The following GTPBP1 variants were observed in gnomAD, a reference collection of about 807,000 sequenced individuals.
The protein encoded by GTPBP1 is GTP-binding protein 1.
A neutral mutation model predicts 62.0 loss-of-function variants in GTPBP1; 23 were observed. The observed-to-expected ratio is 0.37, with a 90% CI of 0.27 to 0.53. GTPBP1 has a LOEUF of 0.53. GTPBP1 is among the 20% of genes least tolerant of loss of function. The pLI is 0.89. For missense variants in GTPBP1, 640 were observed against 917.3 expected (o/e 0.70, Z 3.90); for synonymous variants, 344 against 364.4 (o/e 0.94, Z 0.64).
downstream of GTPBP1, among the ~76,000 whole-genome samples, chr22:38,737,602 CG>C (rs2092817297): frequency 6.6e-6 from 1 of 152,174 alleles, no homozygotes; most frequent in Non-Finnish European, 1.5e-5. This position sits in a 1 kb window ranked among gnomAD's most constrained non-coding sequence, Gnocchi z 4.1. Context: ...CACTGTCCCT[CG>C]TCCACCTCCC....
At chr22:38,742,958 G>T (rs938232481), downstream of GTPBP1, 3 of 170,312 alleles carry the variant, frequency 1.8e-5, no homozygotes, top group Admixed American at 1.9e-4. Flanking sequence ...AGGGGCAGGG[G>T]AGCCAGGGCT....
intron 2 of GTPBP1, among the ~76,000 whole-genome samples, chr22:38,711,146 C>T (rs572986874): frequency 5.9e-5 from 9 of 152,304 alleles, no homozygotes; most frequent in South Asian, 2.1e-4. Flanking sequence ...TTCCTTGCTG[C>T]TTCACCTCTG....
chr22:38,708,943 T>C lies in GTPBP1; in HGVS notation c.291T>C (p.Ile97=). Residue 97 remains isoleucine, a synonymous_variant, in exon 2 of 12, where the codon ATT becomes ATC. Transcript: ENST00000216044. ...GATGCGGAGAGACCATATATGTCATTGGGCAGGGATCAGGTGAGCATAGTT... is the reference window on the plus strand; with the variant it reads ...GATGCGGAGAGACCATATATGTCATCGGGCAGGGATCAGGTGAGCATAGTT... The part of the protein sequence containing the change: ...DEGCGETIYV[I]GQGSDGTEYG... 6.3e-7 allele frequency: 1 copy of C among 1,576,170 alleles called. No individual in the cohort carries two copies. Among genetic ancestry groups the C allele is most frequent in the Non-Finnish European group, 8.7e-7 (1 of 1,145,234 alleles).
chr22:38,740,266 C>A, downstream of GTPBP1: 2 of 1,572,222 alleles, frequency 1.3e-6, no homozygotes, highest in Admixed American at 1.8e-5. The surrounding 1 kb of genome is among the most constrained non-coding windows in gnomAD (Gnocchi z 4.8). Context: ...TTCCCACTCA[C>A]GTCGTCCCGC....
chr22:38,737,165 G>T (rs2092812968), downstream of GTPBP1, among the ~76,000 whole-genome samples: 1 of 152,126 alleles, frequency 6.6e-6, no homozygotes, highest in African/African-American at 2.4e-5. The surrounding 1 kb of genome is among the most constrained non-coding windows in gnomAD (Gnocchi z 4.1). Flanking sequence ...TTCCTAAAGA[G>T]AAATCCCAAC....
At chr22:38,721,601 C>T (rs557436297) in intron 4 of GTPBP1, 141 bp from the exon 5 acceptor site, 31 of 619,258 alleles carry the variant, frequency 5.0e-5, no homozygotes, top group Middle Eastern at 4.7e-4. Flanking sequence ...CCGATTTTGA[C>T]GCCCCACATC....
downstream of GTPBP1, chr22:38,735,575 G>A (rs540549485): frequency 9.9e-4 from 220 of 222,728 alleles, no homozygotes; most frequent in African/African-American, 4.6e-3. Context: ...CCCAGCAGAG[G>A]GGAAGCCTAC....
intron 2 of GTPBP1, among the ~76,000 whole-genome samples, chr22:38,711,833 T>TA (rs370698760): frequency 1.1e-4 from 16 of 148,104 alleles, no homozygotes; most frequent in South Asian, 4.3e-4. Context: ...GAAAAACAAT[T>TA]AAAAAAAAAA....
downstream of GTPBP1, chr22:38,739,583 C>T: frequency 7.7e-7 from 1 of 1,299,304 alleles, no homozygotes; most frequent in Non-Finnish European, 1.1e-6. The surrounding 1 kb of genome is among the most constrained non-coding windows in gnomAD (Gnocchi z 6.7). Flanking sequence ...CCACCCATGC[C>T]AGCCCCACAG....
Position 38,721,777 on chromosome 22 carries a change from A to G in GTPBP1, c.870A>G (p.Lys290=), listed in dbSNP as rs2092701963. 1 of 1,612,876 alleles carries G rather than the reference A, an allele frequency of 6.2e-7. No homozygotes were observed. The highest frequency in any genetic ancestry group is 1.3e-5 in the African/African-American group (1 of 74,904). ...GSNAGIVGMT[K]EHLGLALALN... ...ATGCTGGCATCGTGGGGATGACCAA[A>G]GAACACCTGGGCTTGGCACTGGCAC... Residue 290 remains lysine (K), a synonymous_variant, in exon 5 of 12, where the codon AAA becomes AAG. Transcript: ENST00000216044.
chr22:38,721,267 A>G (rs970531506), intron 4 of GTPBP1, among the ~76,000 whole-genome samples: 2 of 152,162 alleles, frequency 1.3e-5, no homozygotes, highest in African/African-American at 4.8e-5. Context: ...TAGTAGAGAC[A>G]GGGTTTCTCC....
At position 38,732,516 on chromosome 22, in the gene GTPBP1, C is replaced by T. The variant is rs1348008142; in HGVS notation, c.*1812C>T. On this transcript the variant is annotated 3_prime_UTR_variant, in exon 12 of 12. Transcript: ENST00000216044. ...TTGTGTGGATTCAGAGAATGTGAGG[C>T]CCTGGGGTGTCCTACACAAGGGAAA... 1 of 152,216 alleles carries T rather than the reference C, an allele frequency of 6.6e-6. No individual in the cohort carries two copies. Among genetic ancestry groups the T allele is most frequent in the East Asian group, 1.9e-4 (1 of 5,176 alleles). 9.4% of individuals were successfully genotyped at this position (152,216 alleles called of 1,614,324 possible).
chr22:38,724,525 A>C, intron 6 of GTPBP1, 114 bp downstream of exon 6: 1 of 658,596 alleles, frequency 1.5e-6, no homozygotes, highest in Non-Finnish European at 2.8e-6. Context: ...AAAACACCAC[A>C]TCAACACCTC....
chr22:38,741,529 C>G (rs2092857840), downstream of GTPBP1: 1 of 1,613,982 alleles, frequency 6.2e-7, no homozygotes, highest in Non-Finnish European at 8.5e-7. Context: ...AAGAGGTCTT[C>G]TGAGTCTTGC....
intron 6 of GTPBP1, chr22:38,725,507 C>T (rs935822473): frequency 6.5e-6 from 1 of 154,854 alleles, no homozygotes; most frequent in African/African-American, 2.4e-5. Flanking sequence ...TGAGCAAATC[C>T]ACAAGGGCAG....
At chr22:38,722,956 G>A in intron 5 of GTPBP1, 1 of 916,548 alleles carries the variant, frequency 1.1e-6, no homozygotes, top group Non-Finnish European at 1.8e-6. Context: ...GTTATGAAGA[G>A]ACCTCTTAGT....
intron 6 of GTPBP1, 69 bp from the exon 7 acceptor site, chr22:38,725,937 G>A: frequency 6.8e-7 from 1 of 1,473,506 alleles, no homozygotes; most frequent in Non-Finnish European, 9.5e-7. Flanking sequence ...CCCCTGGTCT[G>A]TGTCAGGGCA....
At position 38,715,919 on chromosome 22, in the gene GTPBP1, A is replaced by G. The variant is rs2092667298; in HGVS notation, c.317A>G (p.Tyr106Cys). Reference sequence around the variant, plus strand: ...CTCTTGTCACCAGATGGGACTGAGTATGGGCTGAGTGAAGCTGACATGGAG... The same window carrying G: ...CTCTTGTCACCAGATGGGACTGAGTGTGGGCTGAGTGAAGCTGACATGGAG... ...VIGQGSDGTE[Y>C]GLSEADMEAS... The change falls in exon 3 of 12, where the codon TAT becomes TGT. Residue 106 changes from tyrosine (Y) to cysteine (C), a missense_variant. Tyr to Cys is a radical substitution (Grantham distance 194). Around this residue, in one of 4 missense-constraint regions of GTPBP1, gnomAD observed 215 missense variants for 235.1 expected, o/e 0.91. Coordinates refer to ENST00000216044, the MANE Select transcript of GTPBP1 (RefSeq NM_004286.5). The G allele has an allele frequency of 6.2e-7, 1 of 1,613,066 alleles. No homozygotes were observed. Among genetic ancestry groups the G allele is most frequent in the South Asian group, 1.1e-5 (1 of 91,042 alleles).
At chr22:38,738,186 G>A (rs763810055), downstream of GTPBP1, 6 of 1,613,924 alleles carry the variant, frequency 3.7e-6, no homozygotes, top group East Asian at 2.2e-5. This position sits in a 1 kb window ranked among gnomAD's most constrained non-coding sequence, Gnocchi z 6.6. Context: ...AAAGTGAAAC[G>A]TCTGAATAGG....
Sources: gnomAD v4.1 joint callset for allele counts (sites outside exome capture counted in the v4.1 genomes callset) on GRCh38, gnomAD v4.1.1 for gene constraint, gnomAD v4.1.1 regional missense constraint, Gnocchi (gnomAD v3.1) non-coding constraint, MANE v1.5 for transcripts, NCBI Gene and HGNC (gene_info 2026-07-23, HGNC 2026-07-21) for gene names.